Variants in FER observed in about 807,000 individuals in gnomAD.
The protein encoded by FER is tyrosine-protein kinase Fer.
In FER, 63 loss-of-function variants were observed where a neutral mutation model predicts 111.0. The ratio of observed to expected loss-of-function variants is 0.57; its 90% CI spans 0.46 to 0.70. FER has a LOEUF of 0.70. FER is among the 30% of genes least tolerant of loss of function. FER has a pLI of 0.00. For missense variants in FER, 914 were observed against 954.0 expected, an observed-to-expected ratio of 0.96 and a Z score of 0.55; for synonymous variants, 327 against 313.9, an observed-to-expected ratio of 1.04 and a Z score of -0.44.
intron 12 of FER, among the ~76,000 whole-genome samples, chr5:108,956,694 G>A (rs780912471): frequency 4.0e-5 from 6 of 151,586 alleles, no homozygotes; most frequent in African/African-American, 1.4e-4. Context: ...GTTTTCTGCT[G>A]CCTAATTTTA....
chr5:108,863,580 A>G (rs1456524425), intron 5 of FER, among the ~76,000 whole-genome samples: 1 of 152,188 alleles, frequency 6.6e-6, no homozygotes. Flanking sequence ...AAAATCATTC[A>G]TGGTTAGTAT....
At chr5:109,018,994 T>G (rs1026410695) in intron 13 of FER, among the ~76,000 whole-genome samples, 1 of 151,558 alleles carries the variant, frequency 6.6e-6, no homozygotes, top group Non-Finnish European at 1.5e-5. Context: ...CTGATTCATA[T>G]GAATCATAGG....
intron 13 of FER, among the ~76,000 whole-genome samples, chr5:109,034,081 A>C (rs1447896810): frequency 6.6e-6 from 1 of 152,172 alleles, no homozygotes; most frequent in Non-Finnish European, 1.5e-5. Flanking sequence ...AGATCTTGGA[A>C]ACTTACTCCT....
intron 17 of FER, among the ~76,000 whole-genome samples, chr5:109,139,902 A>G (rs1288346832): frequency 6.6e-6 from 1 of 152,190 alleles, no homozygotes; most frequent in East Asian, 1.9e-4. Flanking sequence ...ATAAAAAAAA[A>G]TAGAATTAAA....
chr5:109,021,913 A>G (rs1172606227), intron 13 of FER, among the ~76,000 whole-genome samples: 2 of 152,110 alleles, frequency 1.3e-5, no homozygotes, highest in East Asian at 3.9e-4. Context: ...CCCTGTAGGT[A>G]TGCAGCTTAC....
intron 17 of FER, among the ~76,000 whole-genome samples, chr5:109,110,575 TG>T (rs1749486848): frequency 6.6e-6 from 1 of 152,050 alleles, no homozygotes; most frequent in Non-Finnish European, 1.5e-5. Flanking sequence ...CCACATGAGG[TG>T]GGGGTAATTG....
intron 13 of FER, among the ~76,000 whole-genome samples, chr5:109,024,934 A>G (rs1768473042): frequency 1.3e-5 from 2 of 150,174 alleles, no homozygotes; most frequent in South Asian, 4.3e-4. Flanking sequence ...AGTTGTAGAT[A>G]TACGGCCTTA....
At chr5:109,011,900 C>A (rs1766321575) in intron 13 of FER, among the ~76,000 whole-genome samples, 1 of 152,158 alleles carries the variant, frequency 6.6e-6, no homozygotes, top group South Asian at 2.1e-4. Context: ...CTTTCTTTAG[C>A]CTCTGTTTCT....
At chr5:109,017,092 G>A (rs56382548) in intron 13 of FER, among the ~76,000 whole-genome samples, 28,599 of 151,958 alleles carry the variant, frequency 0.19, 2,841 homozygotes, top group Non-Finnish European at 0.22. Flanking sequence ...ACCATGTAAT[G>A]AACGTGCTGT....
intron 17 of FER, among the ~76,000 whole-genome samples, chr5:109,114,426 A>C (rs1749991137): frequency 6.6e-6 from 1 of 152,124 alleles, no homozygotes; most frequent in African/African-American, 2.4e-5. Context: ...TTATATGCTA[A>C]TATCAAGACC....
intron 6 of FER, among the ~76,000 whole-genome samples, chr5:108,870,462 C>G (rs976017528): frequency 6.6e-6 from 1 of 152,054 alleles, no homozygotes; most frequent in African/African-American, 2.4e-5. Context: ...TCTGCCTCCC[C>G]TTTTCTTTAA....
chr5:108,850,863 GA>G (rs1275910886), intron 5 of FER, among the ~76,000 whole-genome samples: 1 of 152,146 alleles, frequency 6.6e-6, no homozygotes, highest in African/African-American at 2.4e-5. Flanking sequence ...ATGATTGGGA[GA>G]ATAAAGAAAT....
chr5:109,118,449 A>T (rs547695338), intron 17 of FER, among the ~76,000 whole-genome samples: 2 of 151,978 alleles, frequency 1.3e-5, no homozygotes, highest in African/African-American at 2.4e-5. Context: ...TTCATCATGG[A>T]TATTGGTCTA....
intron 3 of FER, among the ~76,000 whole-genome samples, chr5:108,828,852 C>G (rs1759743894): frequency 6.6e-6 from 1 of 152,138 alleles, no homozygotes; most frequent in East Asian, 1.9e-4. Context: ...GTAATCTTAG[C>G]ACTTTGGGAG....
intron 3 of FER, among the ~76,000 whole-genome samples, chr5:108,829,777 T>TA (rs1759845763): frequency 6.6e-6 from 1 of 152,128 alleles, no homozygotes. Flanking sequence ...TCACAATAAA[T>TA]ACTCAAAATA....
intron 9 of FER, among the ~76,000 whole-genome samples, chr5:108,890,477 T>C (rs1443109937): frequency 6.6e-6 from 1 of 152,072 alleles, no homozygotes; most frequent in Non-Finnish European, 1.5e-5. Context: ...TAGCTTCTGG[T>C]GATGGCTGAC....
intron 13 of FER, among the ~76,000 whole-genome samples, chr5:108,963,931 A>G (rs572288198): frequency 6.6e-4 from 101 of 152,290 alleles, no homozygotes; most frequent in African/African-American, 2.4e-3. Context: ...ACTGTTTAGT[A>G]ATTTTCATTT....
intron 8 of FER, among the ~76,000 whole-genome samples, chr5:108,878,604 A>G (rs368903359): frequency 4.4e-4 from 67 of 151,930 alleles, no homozygotes; most frequent in African/African-American, 1.5e-3. Flanking sequence ...AGTTTTTTCC[A>G]TTGATGGAGT....
intron 13 of FER, among the ~76,000 whole-genome samples, chr5:109,010,897 A>ATTT (rs1766177698): frequency 1.3e-5 from 2 of 152,184 alleles, no homozygotes; most frequent in African/African-American, 4.8e-5. Flanking sequence ...GTGAAATGAA[A>ATTT]TCAGTTTATT....
Sources: allele counts gnomAD v4.1 joint callset (sites outside exome capture counted in the v4.1 genomes callset), GRCh38; gene constraint gnomAD v4.1.1; transcripts MANE v1.5; gene names NCBI Gene and HGNC (gene_info 2026-07-23, HGNC 2026-07-21).